SNX1: variants seen among roughly 807,000 people sequenced by gnomAD.
SNX1 encodes sorting nexin 1.
Under a neutral mutation model 71.8 loss-of-function variants are expected in SNX1, and 36 were observed. The ratio of observed to expected loss-of-function variants is 0.50; its 90% CI spans 0.38 to 0.66. SNX1 has a LOEUF of 0.66. Among genes scored for constraint, SNX1 ranks in the 30% least tolerant of loss-of-function variants. The pLI is 0.00. For synonymous variants in SNX1, 254 were observed against 240.7 expected, an observed-to-expected ratio of 1.06 and a Z score of -0.51; for missense variants, 612 against 646.7, an observed-to-expected ratio of 0.95 and a Z score of 0.58.
At chr15:64,136,460 G>C (rs1371839102) in intron 13 of SNX1, 50 bp downstream of exon 13, 2 of 1,441,760 alleles carry the variant, frequency 1.4e-6, no homozygotes, top group African/African-American at 2.8e-5. Flanking sequence ...CTTGTTTTGG[G>C]AGTACTCTTG....
chr15:64,114,202 G>A (rs1324773266), intron 2 of SNX1, among the ~76,000 whole-genome samples: 1 of 152,204 alleles, frequency 6.6e-6, no homozygotes, highest in Non-Finnish European at 1.5e-5. Flanking sequence ...GCAGTGGGCA[G>A]AGACCAGATA....
At chr15:64,127,331 G>A in intron 7 of SNX1, 79 bp downstream of exon 7, 1 of 1,078,772 alleles carries the variant, frequency 9.3e-7, no homozygotes, top group East Asian at 2.5e-5. Flanking sequence ...TGACGAGACA[G>A]TCCATTGAGT....
intron 13 of SNX1, 49 bp from the exon 14 acceptor site, chr15:64,136,812 G>A (rs910901748): frequency 6.1e-6 from 9 of 1,464,714 alleles, no homozygotes; most frequent in South Asian, 4.6e-5. Flanking sequence ...CCATCCCATC[G>A]AAAGGGAAAG....
intron 1 of SNX1, among the ~76,000 whole-genome samples, chr15:64,106,300 AG>A (rs1022451999): frequency 1.3e-5 from 2 of 152,212 alleles, no homozygotes; most frequent in Admixed American, 6.5e-5. Flanking sequence ...ATGGACCCCA[AG>A]ATAAGAACCC....
intron 2 of SNX1, among the ~76,000 whole-genome samples, chr15:64,113,821 AAAAT>A (rs1272541609): frequency 9.2e-6 from 1 of 109,174 alleles, no homozygotes; most frequent in Non-Finnish European, 2.4e-5. Flanking sequence ...ACTCCATCTC[AAAAT>A]AAAGAAAGAA....
chr15:64,114,616 C>A (rs2081110543), intron 2 of SNX1, among the ~76,000 whole-genome samples: 1 of 152,094 alleles, frequency 6.6e-6, no homozygotes. Context: ...TTGAAACTTC[C>A]ATGTGAACGA....
chr15:64,128,568 G>C (rs2081276399), intron 8 of SNX1, among the ~76,000 whole-genome samples: 1 of 152,136 alleles, frequency 6.6e-6, no homozygotes, highest in Non-Finnish European at 1.5e-5. Flanking sequence ...TATGTAGTAT[G>C]TGTTACTCCA....
intron 14 of SNX1, 98 bp downstream of exon 14, chr15:64,137,030 T>C: frequency 7.6e-6 from 7 of 923,106 alleles, no homozygotes; most frequent in Non-Finnish European, 6.9e-6. Flanking sequence ...GCCCTGCTTC[T>C]GAGGGGCTGG....
rs571612543 is a variant in SNX1, at chr15:64,140,448, T to C, written c.*2830T>C. 1.3e-5 allele frequency: 2 copies of C among 152,238 alleles called. No individual in the cohort carries two copies. The highest frequency in any genetic ancestry group is 2.9e-5 in the Non-Finnish European group (2 of 68,038). 9.4% of individuals were successfully genotyped at this position (152,238 alleles called of 1,614,324 possible). A position where few individuals can be genotyped will look rare whatever the true frequency, so the allele number is the denominator to read the frequency against. On this transcript the variant is annotated 3_prime_UTR_variant, in exon 15 of 15. Transcript: ENST00000559844. ...CTCCCATCATGTTTTGAGTACTTTC[T>C]TACCTTCTGGCATAACAAGATGTTC...
chr15:64,126,178 A>G lies in SNX1; in HGVS notation c.610A>G (p.Asn204Asp). 2 of 1,614,156 alleles carry G rather than the reference A, an allele frequency of 1.2e-6. No homozygotes were observed. The highest frequency in any genetic ancestry group is 1.7e-6 in the Non-Finnish European group (2 of 1,180,012). Reference protein sequence around the residue: ...YEKLSEKHSQNGFIVPPPPEK... With the variant: ...YEKLSEKHSQDGFIVPPPPEK... ...GAAGCTTTCCGAGAAGCACTCTCAG[A>G]ATGGCTTCATTGTCCCTCCGCCCCC... Residue 204 changes from asparagine to aspartate, a missense_variant, in exon 6 of 15, where the codon AAT becomes GAT. Coordinates refer to ENST00000559844, the MANE Select transcript of SNX1 (RefSeq NM_003099.5).
chr15:64,103,289 A>G (rs975334460), intron 1 of SNX1, among the ~76,000 whole-genome samples: 11 of 152,338 alleles, frequency 7.2e-5, no homozygotes, highest in Admixed American at 7.2e-4. Flanking sequence ...ACTGTTTTCC[A>G]TAATGGCTGT....
intron 11 of SNX1, 127 bp downstream of exon 11, chr15:64,132,019 G>C: frequency 1.1e-6 from 1 of 921,880 alleles, no homozygotes; most frequent in Non-Finnish European, 1.7e-6. Context: ...CTACTTTTAA[G>C]AGGAAAGGTA....
intron 11 of SNX1, among the ~76,000 whole-genome samples, chr15:64,133,913 G>T (rs1332621517): frequency 6.6e-6 from 1 of 152,160 alleles, no homozygotes; most frequent in East Asian, 1.9e-4. Flanking sequence ...TGCTGATTGT[G>T]GTCAAGGAAC....
At position 64,142,406 on chromosome 15, in the gene SNX1, T is replaced by C; in HGVS notation, c.*4788T>C. 2 of 289,154 alleles carry C rather than the reference T, an allele frequency of 6.9e-6. No individual in the cohort carries two copies. The highest frequency in any genetic ancestry group is 6.0e-5 in the South Asian group (2 of 33,390). The allele number at this position is 289,154 out of a possible 1,614,324, so 17.9% of individuals were successfully genotyped here. On this transcript the variant is annotated 3_prime_UTR_variant, in exon 15 of 15. Coordinates refer to ENST00000559844, the MANE Select transcript of SNX1 (RefSeq NM_003099.5). ...AGATAGAGTTAAAGGAGGCTTTGTT[T>C]TATTTAAAGGTGGGACAAACTTAAG...
intron 6 of SNX1, 22 bp from the exon 7 acceptor site, chr15:64,127,152 T>C (rs1476273839): frequency 6.4e-7 from 1 of 1,563,042 alleles, no homozygotes; most frequent in Non-Finnish European, 8.8e-7. Flanking sequence ...ATGGTTATTT[T>C]GCTTTTTAAA....
At chr15:64,132,584 G>A (rs2081318084) in intron 11 of SNX1, among the ~76,000 whole-genome samples, 1 of 152,166 alleles carries the variant, frequency 6.6e-6, no homozygotes, top group Non-Finnish European at 1.5e-5. Context: ...CTGTCGCATG[G>A]CCTCCCTAAG....
chr15:64,123,896 T>C (rs1364854646), intron 5 of SNX1, among the ~76,000 whole-genome samples: 1 of 152,100 alleles, frequency 6.6e-6, no homozygotes, highest in East Asian at 1.9e-4. Context: ...TCAGAGAGCT[T>C]TTTTAAATAC....
At chr15:64,135,651 C>T (rs1334741645) in intron 12 of SNX1, among the ~76,000 whole-genome samples, 3 of 150,610 alleles carry the variant, frequency 2.0e-5, no homozygotes, top group Admixed American at 6.6e-5. Context: ...CTCAGATACT[C>T]AGGAGGCTGA....
intron 5 of SNX1, among the ~76,000 whole-genome samples, chr15:64,124,315 G>A (rs947095698): frequency 6.6e-6 from 1 of 151,148 alleles, no homozygotes; most frequent in African/African-American, 2.4e-5. Flanking sequence ...GACCATCCTG[G>A]CTAACACAGG....
Sources: allele counts gnomAD v4.1 joint callset (sites outside exome capture counted in the v4.1 genomes callset), GRCh38; gene constraint gnomAD v4.1.1; transcripts MANE v1.5; gene names NCBI Gene and HGNC (gene_info 2026-07-23, HGNC 2026-07-21).